Variants in DGAT2 observed in about 807,000 individuals in gnomAD.
DGAT2 encodes diacylglycerol O-acyltransferase 2.
DGAT2 carries 33 observed loss-of-function variants against 48.4 expected under a neutral mutation model. The observed-to-expected ratio is 0.68, with a 90% CI of 0.52 to 0.91. The LOEUF is 0.91. Among genes scored for constraint, DGAT2 ranks in the 40% least tolerant of loss-of-function variants. DGAT2 has a pLI of 0.00. For synonymous variants in DGAT2, 191 were observed against 194.1 expected, an observed-to-expected ratio of 0.98 and a Z score of 0.13; for missense variants, 446 against 493.7, an observed-to-expected ratio of 0.90 and a Z score of 0.92.
chr11:75,779,515 G>A (rs1944838037), intron 1 of DGAT2, among the ~76,000 whole-genome samples: 1 of 152,174 alleles, frequency 6.6e-6, no homozygotes, highest in Admixed American at 6.5e-5. Context: ...TACCTTCCCA[G>A]AGAGTGCTGT....
At chr11:75,798,592 G>A (rs1945080832) in intron 7 of DGAT2, among the ~76,000 whole-genome samples, 163 bp downstream of exon 7, 1 of 121,212 alleles carries the variant, frequency 8.3e-6, no homozygotes, top group African/African-American at 3.1e-5. Flanking sequence ...GTCAGGAGGG[G>A]TAGTAGTAGG....
rs143158001 is a variant in DGAT2 at position 75,798,344 on chromosome 11, C to T, written c.927C>T (p.Phe309=). ...VQKKFQKYIG[F]APCIFHGRGL... is the part of the protein sequence containing the mutation. ...AGAAGTTCCAGAAATACATTGGTTTCGCCCCATGCATCTTCCATGGTCGAG... is the reference window on the plus strand; with the variant it reads ...AGAAGTTCCAGAAATACATTGGTTTTGCCCCATGCATCTTCCATGGTCGAG... Residue 309 remains phenylalanine (F), a synonymous_variant, in exon 7 of 8, where the codon TTC becomes TTT. Coordinates refer to ENST00000228027, the MANE Select transcript of DGAT2 (RefSeq NM_032564.5). 586 of 1,614,176 alleles carry T rather than the reference C, an allele frequency of 3.6e-4. 6 individuals are homozygous for T. The East Asian group carries it at 0.011, about 31-fold the overall frequency.
intron 1 of DGAT2, among the ~76,000 whole-genome samples, chr11:75,782,627 A>T (rs1257218988): frequency 6.6e-6 from 1 of 152,194 alleles, no homozygotes; most frequent in African/African-American, 2.4e-5. Flanking sequence ...ATACTCACCC[A>T]GTCCTGTCCC....
chr11:75,793,676 G>A (rs1287402597), intron 4 of DGAT2: 1 of 152,334 alleles, frequency 6.6e-6, no homozygotes, highest in Non-Finnish European at 1.5e-5. Context: ...CCATAGGAAG[G>A]GGACAAAAAG....
intron 5 of DGAT2, 96 bp from the exon 6 acceptor site, chr11:75,797,062 G>A (rs1055066257): frequency 7.7e-7 from 1 of 1,290,358 alleles, no homozygotes; most frequent in East Asian, 2.7e-5. Flanking sequence ...TGGGGCCCAG[G>A]TCCAGGGTTC....
intron 1 of DGAT2, among the ~76,000 whole-genome samples, chr11:75,779,319 G>A (rs139480879): frequency 1.3e-5 from 2 of 152,318 alleles, no homozygotes; most frequent in African/African-American, 2.4e-5. Flanking sequence ...GTGGGCTGGC[G>A]TGTTTGGTGG....
chr11:75,788,970 AAG>A lies in DGAT2; in HGVS notation c.251-1212_251-1211del, dbSNP rs199603096. Among the ~76,000 whole-genome samples, 995 of 152,280 alleles carry A rather than the reference AAG, an allele frequency of 6.5e-3. 16 individuals are homozygous for A. Among genetic ancestry groups the A allele is most frequent in the African/African-American group, 0.021 (871 of 41,544 alleles). On this transcript the variant is annotated intron_variant, in intron 2 of 7. Coordinates refer to ENST00000228027, the MANE Select transcript of DGAT2 (RefSeq NM_032564.5). ...CCTTAAAGGTTGGGTAAAAAATGGA[AAG>A]AGAGAAGCCCTGCTGAGGGCAGCTA...
rs188109732 is a variant in DGAT2, at chr11:75,787,036, T to C, written c.250+2290T>C. Among the ~76,000 whole-genome samples, 220 of 152,338 alleles carry C rather than the reference T, an allele frequency of 1.4e-3. 1 individual carries two copies. Among genetic ancestry groups the C allele is most frequent in the African/African-American group, 5.0e-3 (208 of 41,578 alleles). The stretch of plus-strand genomic sequence containing the variant: ...CTAGCAGCACATGTAATAATTACTA[T>C]AGTTCTTAAGTAGTGATGAGAAGAA... On this transcript the variant is annotated intron_variant, in intron 2 of 7. Coordinates refer to ENST00000228027, the MANE Select transcript of DGAT2 (RefSeq NM_032564.5).
intron 1 of DGAT2, among the ~76,000 whole-genome samples, chr11:75,771,514 G>T (rs1260044190): frequency 6.6e-6 from 1 of 152,132 alleles, no homozygotes; most frequent in Non-Finnish European, 1.5e-5. Flanking sequence ...AAGTTTTGAT[G>T]TAGCAGAGGA....
In DGAT2 at chr11:75,800,584, T is replaced by C; in HGVS notation, c.*76T>C. 1 of 1,475,340 alleles carries C rather than the reference T, an allele frequency of 6.8e-7. No homozygotes were observed. The highest frequency in any genetic ancestry group is 9.1e-7 in the Non-Finnish European group (1 of 1,095,434). 91.4% of individuals were successfully genotyped at this position (1,475,340 alleles called of 1,614,324 possible). Reference sequence around the variant, plus strand: ...TTGCTCTGTAAATTTGGAAGTGTCATGGGTGTCTGTGGGTTATTTAAAAGA... The same window carrying C: ...TTGCTCTGTAAATTTGGAAGTGTCACGGGTGTCTGTGGGTTATTTAAAAGA... On this transcript the variant is annotated 3_prime_UTR_variant, in exon 8 of 8. Transcript: ENST00000228027.
intron 1 of DGAT2, among the ~76,000 whole-genome samples, chr11:75,782,859 A>C (rs1032785068): frequency 1.1e-4 from 17 of 152,142 alleles, no homozygotes; most frequent in African/African-American, 3.6e-4. Context: ...TCTGCCGCCT[A>C]CTGCCTGGGT....
At chr11:75,769,257 C>G (rs1944732333) in intron 1 of DGAT2, 145 bp downstream of exon 1, 1 of 1,034,690 alleles carries the variant, frequency 9.7e-7, no homozygotes, top group African/African-American at 1.7e-5. Context: ...ACATCGCTTT[C>G]CACCCGCCCC....
At chr11:75,798,549 A>T in intron 7 of DGAT2, 120 bp downstream of exon 7, 1 of 1,156,968 alleles carries the variant, frequency 8.6e-7, no homozygotes, top group South Asian at 1.4e-5. Context: ...GCCCTTAGCC[A>T]TGAGGACTTT....
chr11:75,798,484 C>G, intron 7 of DGAT2, 55 bp downstream of exon 7: 2 of 1,585,446 alleles, frequency 1.3e-6, no homozygotes, highest in Non-Finnish European at 1.7e-6. Context: ...TGCCATACAG[C>G]TAATCAGCAG....
chr11:75,800,492 T>C lies in DGAT2; in HGVS notation c.1151T>C (p.Val384Ala). The C allele has an allele frequency of 6.2e-7, 1 of 1,614,070 alleles. No homozygotes were observed. The highest frequency in any genetic ancestry group is 2.2e-5 in the East Asian group (1 of 44,872). ...AAGTTCGGCCTCCCGGAGACTGAGG[T>C]CCTGGAGGTGAACTGAGCCAGCCTT... ...KTKFGLPETE[V>A]LEVN is the part of the protein sequence containing the mutation. Residue 384 changes from valine to alanine, a missense_variant, in exon 8 of 8, where the codon GTC becomes GCC. Transcript: ENST00000228027.
chr11:75,785,867 G>C (rs993002402), intron 2 of DGAT2, among the ~76,000 whole-genome samples: 8 of 152,320 alleles, frequency 5.3e-5, no homozygotes, highest in Admixed American at 3.9e-4. Flanking sequence ...AATTCACAAA[G>C]GTTCATCAAC....
chr11:75,793,440 T>C (rs537102863), intron 4 of DGAT2: 1 of 152,362 alleles, frequency 6.6e-6, no homozygotes, highest in South Asian at 2.1e-4. Flanking sequence ...TGGGGCCCAC[T>C]GGGTGACACA....
chr11:75,781,287 T>TG (rs1420983455), intron 1 of DGAT2, among the ~76,000 whole-genome samples: 7 of 152,232 alleles, frequency 4.6e-5, no homozygotes, highest in Admixed American at 2.0e-4. Flanking sequence ...TCACCATCTC[T>TG]GGGTTTTGAA....
Sources: allele counts gnomAD v4.1 joint callset (sites outside exome capture counted in the v4.1 genomes callset), GRCh38; gene constraint gnomAD v4.1.1; transcripts MANE v1.5; gene names NCBI Gene and HGNC (gene_info 2026-07-23, HGNC 2026-07-21).